Variants in FGD4 observed in about 807,000 individuals in gnomAD.
FGD4 encodes FYVE, RhoGEF and PH domain-containing protein 4.
A neutral mutation model predicts 102.0 loss-of-function variants in FGD4; 42 were observed. The ratio of observed to expected loss-of-function variants is 0.41; its 90% CI spans 0.32 to 0.53. FGD4 has a LOEUF of 0.53. Ranked by LOEUF, FGD4 falls within the 20% of genes least tolerant of loss-of-function variation. The probability of loss-of-function intolerance (pLI) is 0.21; values close to 1 mark genes in which losing one functional copy is unlikely to be tolerated. For synonymous variants in FGD4, 380 were observed against 375.7 expected (o/e 1.01, Z -0.13); for missense variants, 902 against 1,078.2 (o/e 0.84, Z 2.29).
At chr12:32,472,734 A>G (rs1298353804) in intron 1 of FGD4, among the ~76,000 whole-genome samples, 1 of 152,210 alleles carries the variant, frequency 6.6e-6, no homozygotes, top group Non-Finnish European at 1.5e-5. Flanking sequence ...GGGATCCACT[A>G]GGTGAAGCCA....
intron 1 of FGD4, among the ~76,000 whole-genome samples, chr12:32,457,430 C>T (rs1404723368): frequency 6.6e-6 from 1 of 152,062 alleles, no homozygotes; most frequent in East Asian, 1.9e-4. Flanking sequence ...TACTATTTAC[C>T]ACTGTGTTTA....
At chr12:32,556,836 C>A (rs118173992) in intron 1 of FGD4, 3,668 of 152,070 alleles carry the variant, frequency 0.024, 60 homozygotes, top group Middle Eastern at 0.041. Context: ...CATGGATGTA[C>A]AAATGTAAGG....
chr12:32,489,979 C>G (rs1198877747), intron 1 of FGD4, among the ~76,000 whole-genome samples: 2 of 152,102 alleles, frequency 1.3e-5, no homozygotes, highest in Non-Finnish European at 2.9e-5. Flanking sequence ...CAGTTTCAGT[C>G]TTTTCCTTTA....
At chr12:32,590,266 C>T (rs12314204) in intron 4 of FGD4, among the ~76,000 whole-genome samples, 13,323 of 147,972 alleles carry the variant, frequency 0.09, 1,992 homozygotes, top group African/African-American at 0.31. Flanking sequence ...GCCGAGATCG[C>T]GCCATCGCAC....
chr12:32,616,392 C>T (rs779406417), intron 10 of FGD4, among the ~76,000 whole-genome samples: 4 of 152,188 alleles, frequency 2.6e-5, no homozygotes, highest in Admixed American at 6.5e-5. Context: ...CAAACATATG[C>T]CGTTGCCTCC....
At chr12:32,549,200 G>GGC (rs1353857886) in intron 1 of FGD4, among the ~76,000 whole-genome samples, 1 of 152,144 alleles carries the variant, frequency 6.6e-6, no homozygotes, top group African/African-American at 2.4e-5. Flanking sequence ...TTTAAAATTG[G>GGC]GCAAATAACA....
At chr12:32,511,249 T>G (rs1939330036) in intron 1 of FGD4, 1 of 152,238 alleles carries the variant, frequency 6.6e-6, no homozygotes, top group South Asian at 2.1e-4. Flanking sequence ...GCAACCATGG[T>G]AAATCTGCTT....
chr12:32,568,692 T>C (rs1945388963), intron 2 of FGD4, among the ~76,000 whole-genome samples: 1 of 152,246 alleles, frequency 6.6e-6, no homozygotes, highest in African/African-American at 2.4e-5. Context: ...CTTAAACCTA[T>C]TCATTTGCTT....
At chr12:32,552,425 A>G (rs1438526189) in intron 1 of FGD4, among the ~76,000 whole-genome samples, 1 of 138,946 alleles carries the variant, frequency 7.2e-6, no homozygotes, top group East Asian at 2.1e-4. Flanking sequence ...ATGCCCGACT[A>G]ATTTTTGCAT....
chr12:32,438,294 C>T (rs1942300773), intron 1 of FGD4, among the ~76,000 whole-genome samples: 1 of 152,204 alleles, frequency 6.6e-6, no homozygotes, highest in South Asian at 2.1e-4. Context: ...CAATACTGCA[C>T]TTCCATAGAG....
At chr12:32,451,298 C>T (rs1349500004) in intron 1 of FGD4, among the ~76,000 whole-genome samples, 3 of 152,154 alleles carry the variant, frequency 2.0e-5, no homozygotes, top group Non-Finnish European at 4.4e-5. Context: ...TGATATGTTA[C>T]ATAAATGTTA....
At chr12:32,529,538 A>G (rs184979114) in intron 1 of FGD4, among the ~76,000 whole-genome samples, 3 of 152,130 alleles carry the variant, frequency 2.0e-5, no homozygotes, top group African/African-American at 7.2e-5. Flanking sequence ...TTATTTGTAC[A>G]TAATTTATTA....
chr12:32,430,302 T>C (rs1400705185), intron 1 of FGD4, among the ~76,000 whole-genome samples: 2 of 151,656 alleles, frequency 1.3e-5, no homozygotes, highest in African/African-American at 4.8e-5. Flanking sequence ...AGTGAGACTC[T>C]GTCTCAAAAA....
intron 1 of FGD4, among the ~76,000 whole-genome samples, chr12:32,540,611 G>GC (rs1942744333): frequency 6.8e-6 from 1 of 147,490 alleles, no homozygotes; most frequent in Non-Finnish European, 1.5e-5. Context: ...TGTCGCTCAA[G>GC]CTGGAGTGTG....
At chr12:32,412,669 C>T (rs1941252943) in intron 1 of FGD4, among the ~76,000 whole-genome samples, 2 of 151,996 alleles carry the variant, frequency 1.3e-5, no homozygotes, top group South Asian at 4.1e-4. Context: ...AGTGCATTGG[C>T]GCGATGTCAG....
At chr12:32,514,823 T>C (rs1338676732) in intron 1 of FGD4, among the ~76,000 whole-genome samples, 1 of 152,254 alleles carries the variant, frequency 6.6e-6, no homozygotes, top group Non-Finnish European at 1.5e-5. Context: ...AAATGTATTA[T>C]CCATTTGTTT....
intron 1 of FGD4, among the ~76,000 whole-genome samples, chr12:32,469,547 C>T (rs1943359507): frequency 6.6e-6 from 1 of 152,204 alleles, no homozygotes; most frequent in Non-Finnish European, 1.5e-5. Context: ...TCCCAAAGTG[C>T]TGGGATTACA....
At chr12:32,460,483 C>T (rs915511105) in intron 1 of FGD4, among the ~76,000 whole-genome samples, 8 of 146,150 alleles carry the variant, frequency 5.5e-5, no homozygotes, top group South Asian at 2.2e-4. Flanking sequence ...CCAGCCTGGG[C>T]GACAGTGAGA....
chr12:32,453,678 C>T (rs918834840), intron 1 of FGD4, among the ~76,000 whole-genome samples: 2 of 152,122 alleles, frequency 1.3e-5, no homozygotes, highest in African/African-American at 4.8e-5. Flanking sequence ...CTAACTTGGG[C>T]TCATTGTTTC....
Sources: gnomAD v4.1 joint callset for allele counts (sites outside exome capture counted in the v4.1 genomes callset) on GRCh38, gnomAD v4.1.1 for gene constraint, MANE v1.5 for transcripts, NCBI Gene and HGNC (gene_info 2026-07-23, HGNC 2026-07-21) for gene names.